Variants in DNMBP observed in about 807,000 individuals in gnomAD.
DNMBP encodes the protein dynamin-binding protein.
In DNMBP, 87 loss-of-function variants were observed where a neutral mutation model predicts 150.0. That is an observed-to-expected ratio of 0.58 (90% CI 0.49 to 0.69). The LOEUF is 0.69. DNMBP is among the 30% of genes least tolerant of loss of function. The pLI, the probability that DNMBP is intolerant of heterozygous loss-of-function variation, is 0.00. For missense variants in DNMBP, 1,774 were observed against 1,949.0 expected, an observed-to-expected ratio of 0.91 and a Z score of 1.69; for synonymous variants, 711 against 750.4, an observed-to-expected ratio of 0.95 and a Z score of 0.86.
At chr10:99,971,311 T>C (rs894188129) in intron 2 of DNMBP, among the ~76,000 whole-genome samples, 6 of 150,654 alleles carry the variant, frequency 4.0e-5, no homozygotes, top group Non-Finnish European at 1.5e-5. Flanking sequence ...CTTTCTTTTC[T>C]TTCCTTCCTT....
chr10:99,931,375 AAG>A (rs1332438980), intron 4 of DNMBP, among the ~76,000 whole-genome samples: 1 of 152,196 alleles, frequency 6.6e-6, no homozygotes, highest in Non-Finnish European at 1.5e-5. Flanking sequence ...TCTGGAATTG[AAG>A]TCACCAGTTA....
At chr10:99,931,013 T>C (rs2040151161) in intron 4 of DNMBP, 2 of 388,560 alleles carry the variant, frequency 5.1e-6, no homozygotes, top group South Asian at 2.0e-4. Context: ...CTAGTATGCA[T>C]GTGATTGGAG....
At chr10:99,908,838 G>T in intron 5 of DNMBP, 115 bp downstream of exon 5, 1 of 973,726 alleles carries the variant, frequency 1.0e-6, no homozygotes, top group Non-Finnish European at 1.5e-6. Flanking sequence ...AGCACTCACA[G>T]TCACAGTTTC....
intron 14 of DNMBP, 143 bp downstream of exon 14, chr10:99,885,544 A>G: frequency 5.0e-6 from 4 of 799,410 alleles, no homozygotes; most frequent in Non-Finnish European, 7.6e-6. Flanking sequence ...GCATGAGCCC[A>G]TGATGGGTGA....
intron 4 of DNMBP, among the ~76,000 whole-genome samples, chr10:99,938,154 T>G (rs141484864): frequency 1.3e-5 from 2 of 152,284 alleles, no homozygotes; most frequent in East Asian, 3.9e-4. Context: ...CTTGATATCT[T>G]TGATAAAGCT....
At chr10:99,984,261 G>A (rs1278921825) in intron 1 of DNMBP, among the ~76,000 whole-genome samples, 1 of 152,142 alleles carries the variant, frequency 6.6e-6, no homozygotes, top group Non-Finnish European at 1.5e-5. Context: ...TTTCAAATGG[G>A]TTAACCTAGG....
In DNMBP at chr10:99,917,692, G is replaced by A. The variant is rs112068845; in HGVS notation, c.2261-8546C>T. Among the ~76,000 whole-genome samples the A allele has an allele frequency of 9.9e-5, 15 of 152,196 alleles. 2 individuals carry two copies. Among genetic ancestry groups the A allele is most frequent in the African/African-American group, 3.1e-4 (13 of 41,508 alleles). ...TGGATGAAGAAAATAGGGGCTGGGC[G>A]CGGTGGCTCATGCCTGCAATCCCAG... is the stretch of plus-strand genomic sequence containing the variant. On this transcript the variant is annotated intron_variant, in intron 4 of 16. Transcript: ENST00000324109.
intron 1 of DNMBP, among the ~76,000 whole-genome samples, chr10:99,979,206 A>C (rs1250586149): frequency 6.6e-6 from 1 of 152,188 alleles, no homozygotes; most frequent in Non-Finnish European, 1.5e-5. Flanking sequence ...CTAGGTATTT[A>C]TTCTCTAATC....
chr10:99,890,734 C>T (rs1013695202), intron 11 of DNMBP, among the ~76,000 whole-genome samples: 2 of 152,126 alleles, frequency 1.3e-5, no homozygotes, highest in Admixed American at 6.5e-5. Flanking sequence ...GCAACCTCCA[C>T]CTCCCGGCGT....
At chr10:99,995,289 T>A (rs2040939293) in intron 1 of DNMBP, among the ~76,000 whole-genome samples, 1 of 152,080 alleles carries the variant, frequency 6.6e-6, no homozygotes, top group Admixed American at 6.6e-5. Flanking sequence ...GCTCAAGCCA[T>A]CCACCCACCT....
chr10:99,961,597 G>C (rs868085745), intron 3 of DNMBP, among the ~76,000 whole-genome samples: 85 of 151,474 alleles, frequency 5.6e-4, no homozygotes, highest in African/African-American at 2.0e-3. Flanking sequence ...CTACGACCCT[G>C]GTCCAATTCC....
At chr10:99,970,983 A>AAAAATAAAATAAAAAAT (rs1263044860) in intron 2 of DNMBP, among the ~76,000 whole-genome samples, 1 of 147,356 alleles carries the variant, frequency 6.8e-6, no homozygotes, top group African/African-American at 2.5e-5. Flanking sequence ...AAAAAAAAAA[A>AAAAATAAAATAAAAAAT]AAAAAAAAAA....
chr10:99,974,360 T>C (rs112307158), intron 1 of DNMBP, among the ~76,000 whole-genome samples: 2 of 152,152 alleles, frequency 1.3e-5, no homozygotes, highest in African/African-American at 4.8e-5. Flanking sequence ...CCTACGTATG[T>C]ATTGAAGCAG....
At chr10:99,962,155 G>T (rs576852916) in intron 3 of DNMBP, among the ~76,000 whole-genome samples, 14 of 151,982 alleles carry the variant, frequency 9.2e-5, no homozygotes, top group African/African-American at 3.4e-4. Context: ...TCTGACACTT[G>T]TATTTTTATA....
At chr10:99,916,844 A>C (rs2039969991) in intron 4 of DNMBP, among the ~76,000 whole-genome samples, 4 of 152,106 alleles carry the variant, frequency 2.6e-5, no homozygotes, top group Admixed American at 2.6e-4. Context: ...AAATTTCCTC[A>C]AAAGGGTCTG....
At position 99,880,117 on chromosome 10, in the gene DNMBP, G is replaced by GT. The variant is rs747073273; in HGVS notation, c.4241dup (p.Asp1414GlufsTer13). The GT allele has an allele frequency of 6.2e-7, 1 of 1,614,180 alleles. No homozygotes were observed. Among genetic ancestry groups the GT allele is most frequent in the South Asian group, 1.1e-5 (1 of 91,084 alleles). ...TTAGGGATGCACTGAGAGTTCCTTG[G>GT]TCACATTCTTTTGGCGGAGGAGATG... On this transcript the variant is annotated frameshift_variant, in exon 16 of 17. Transcript: ENST00000324109. LOFTEE classifies it high-confidence loss of function.
At position 99,914,169 on chromosome 10, in the gene DNMBP, A is replaced by C. The variant is rs989129000; in HGVS notation, c.2261-5023T>G. ...TCCTAAAGGATGGAGCTGGAACCCTAAGCGTACTGGACTGAGAAGTGCACC... is the reference window on the plus strand; with the variant it reads ...TCCTAAAGGATGGAGCTGGAACCCTCAGCGTACTGGACTGAGAAGTGCACC... On this transcript the variant is annotated intron_variant, in intron 4 of 16. Transcript: ENST00000324109. The C allele has an allele frequency of 7.0e-5, 88 of 1,262,912 alleles. 1 individual carries two copies. Among genetic ancestry groups the C allele is most frequent in the Admixed American group, 1.6e-4 (4 of 24,558 alleles). The allele number at this position is 1,262,912 out of a possible 1,614,324, so 78.2% of individuals were successfully genotyped here. A position where few individuals can be genotyped will look rare whatever the true frequency, so the allele number is the denominator to read the frequency against.
At chr10:99,906,544 C>T (rs2039827507) in intron 6 of DNMBP, among the ~76,000 whole-genome samples, 1 of 152,184 alleles carries the variant, frequency 6.6e-6, no homozygotes, top group African/African-American at 2.4e-5. Context: ...GACTCTGTGG[C>T]TCCTGTCTCA....
At chr10:100,003,056 A>G (rs910057065) in intron 1 of DNMBP, among the ~76,000 whole-genome samples, 1 of 152,224 alleles carries the variant, frequency 6.6e-6, no homozygotes, top group African/African-American at 2.4e-5. Context: ...AAGAAGTATA[A>G]GAATGGGAAA....
Sources: gnomAD v4.1 joint callset for allele counts (sites outside exome capture counted in the v4.1 genomes callset) on GRCh38, gnomAD v4.1.1 for gene constraint, MANE v1.5 for transcripts, NCBI Gene and HGNC (gene_info 2026-07-23, HGNC 2026-07-21) for gene names.